Variants in AIF1L observed in about 807,000 individuals in gnomAD.
AIF1L encodes allograft inflammatory factor 1-like.
In AIF1L, 12 loss-of-function variants were observed where a neutral mutation model predicts 20.7. The observed-to-expected ratio is 0.58, with a 90% confidence interval of 0.37 to 0.94. The LOEUF is 0.94. Among genes scored for constraint, AIF1L ranks in the 40% least tolerant of loss-of-function variants. AIF1L has a pLI of 0.01. For synonymous variants in AIF1L, 76 were observed against 65.1 expected, an observed-to-expected ratio of 1.17 and a Z score of -0.81; for missense variants, 173 against 185.3, an observed-to-expected ratio of 0.93 and a Z score of 0.39.
At chr9:131,103,132 G>T in intron 2 of AIF1L, 1 of 380,992 alleles carries the variant, frequency 2.6e-6, no homozygotes, top group Admixed American at 3.1e-5. Context: ...CTCGCTGGAG[G>T]CTGGGATGGG....
At chr9:131,106,280 C>G (rs1327662699) in intron 2 of AIF1L, 3 of 1,490,756 alleles carry the variant, frequency 2.0e-6, no homozygotes, top group African/African-American at 1.4e-5. Flanking sequence ...GTTAGTTAAC[C>G]TGAGTCTCAA....
intron 5 of AIF1L, among the ~76,000 whole-genome samples, chr9:131,119,692 C>A (rs1006049502): frequency 6.6e-6 from 1 of 152,198 alleles, no homozygotes; most frequent in African/African-American, 2.4e-5. Flanking sequence ...TCTTCTAGCA[C>A]CCCACTTCCA....
At position 131,096,593 on chromosome 9, in the gene AIF1L, C is replaced by G; in HGVS notation, c.-37C>G. The G allele has an allele frequency of 1.3e-6, 2 of 1,484,518 alleles. No homozygotes were observed. Among genetic ancestry groups the G allele is most frequent in the Non-Finnish European group, 1.8e-6 (2 of 1,125,740 alleles). The allele number at this position is 1,484,518 out of a possible 1,614,324, so 92.0% of individuals were successfully genotyped here. A position where few individuals can be genotyped will look rare whatever the true frequency, so the allele number is the denominator to read the frequency against. ...CCTCCTCCTCGTCCCTCGCCGCGTC[C>G]GCGAAGCCTGGAGCCGGCGGGAGCC... On this transcript the variant is annotated 5_prime_UTR_variant, in exon 1 of 6. Coordinates refer to ENST00000247291, the MANE Select transcript of AIF1L (RefSeq NM_031426.4).
intron 2 of AIF1L, among the ~76,000 whole-genome samples, chr9:131,106,914 G>A (rs1830764920): frequency 6.6e-6 from 1 of 152,108 alleles, no homozygotes; most frequent in Non-Finnish European, 1.5e-5. Flanking sequence ...TGCTCCATAT[G>A]GTGAAACCGC....
chr9:131,121,393 C>T lies in AIF1L; in HGVS notation c.*1071C>T, dbSNP rs970230487. 2 of 368,762 alleles carry T rather than the reference C, an allele frequency of 5.4e-6. No homozygotes were observed. The highest frequency in any genetic ancestry group is 4.6e-5 in the Admixed American group (1 of 21,702). The allele number at this position is 368,762 out of a possible 1,614,324, so 22.8% of individuals were successfully genotyped here. A position where few individuals can be genotyped will look rare whatever the true frequency, so the allele number is the denominator to read the frequency against. On this transcript the variant is annotated 3_prime_UTR_variant, in exon 6 of 6. Coordinates refer to ENST00000247291, the MANE Select transcript of AIF1L (RefSeq NM_031426.4). ...TATACACGGTCTAACTCATCTCTCCCCAGATCTCTCAGAACCTTGAGCTTG... is the reference window on the plus strand; with the variant it reads ...TATACACGGTCTAACTCATCTCTCCTCAGATCTCTCAGAACCTTGAGCTTG...
chr9:131,113,975 A>G (rs2133397977), intron 3 of AIF1L: 2 of 156,506 alleles, frequency 1.3e-5, no homozygotes. Flanking sequence ...TCACTGCTAG[A>G]AGTTTTCCTG....
intron 2 of AIF1L, among the ~76,000 whole-genome samples, chr9:131,101,839 G>A (rs1357655087): frequency 6.6e-6 from 1 of 152,110 alleles, no homozygotes; most frequent in South Asian, 2.1e-4. Context: ...TGTCCCAATG[G>A]TCCAGCCCTC....
chr9:131,111,806 G>C lies in AIF1L; in HGVS notation c.160+143G>C, dbSNP rs1387685927. The C allele has an allele frequency of 3.9e-5, 33 of 845,684 alleles. No homozygotes were observed. The East Asian group carries it at 8.1e-4, about 21-fold the overall frequency. The allele number at this position is 845,684 out of a possible 1,614,324, so 52.4% of individuals were successfully genotyped here. ...ATGCCCTTCTTCCTGGAGAAGGCTT[G>C]GAGACAGGGACCCCCTGAGAGGTGG... On this transcript the variant is annotated intron_variant, in intron 3 of 5. Transcript: ENST00000247291.
chr9:131,105,965 C>T (rs544159331), intron 2 of AIF1L, among the ~76,000 whole-genome samples: 133 of 152,082 alleles, frequency 8.7e-4, no homozygotes, highest in African/African-American at 2.9e-3. Flanking sequence ...ACTACAGGCA[C>T]GCACCACCAC....
chr9:131,108,426 C>T (rs1258207723), intron 2 of AIF1L, among the ~76,000 whole-genome samples: 1 of 152,104 alleles, frequency 6.6e-6, no homozygotes, highest in East Asian at 1.9e-4. Context: ...TCTTGAGCTC[C>T]TGACCTCAAG....
chr9:131,111,955 CGCCGCT>C, intron 3 of AIF1L: 1 of 449,982 alleles, frequency 2.2e-6, no homozygotes, highest in Non-Finnish European at 4.1e-6. Context: ...GGTTCCCGTC[CGCCGCT>C]GCCCAGGCCC....
In AIF1L at chr9:131,120,544, T is replaced by A; in HGVS notation, c.*222T>A. 8.3e-6 allele frequency: 4 copies of A among 484,074 alleles called. No homozygotes were observed. The South Asian group carries it at 1.0e-4, about 12-fold the overall frequency. The allele number at this position is 484,074 out of a possible 1,614,324, so 30.0% of individuals were successfully genotyped here. On this transcript the variant is annotated 3_prime_UTR_variant, in exon 6 of 6. Transcript: ENST00000247291. ...GTCCCCTCCCTCTCTTCTTCCCTCC[T>A]TCCCCGCTCCCTGTGCAGAAGGGCT... is the stretch of plus-strand genomic sequence containing the variant.
At chr9:131,096,912 G>C in intron 2 of AIF1L, 49 bp downstream of exon 2, 2 of 1,488,950 alleles carry the variant, frequency 1.3e-6, no homozygotes, top group Non-Finnish European at 1.8e-6. Context: ...CGCGCGCTGC[G>C]CGGGTGCCAC....
chr9:131,101,035 C>T (rs1398397550), intron 2 of AIF1L, among the ~76,000 whole-genome samples: 1 of 152,106 alleles, frequency 6.6e-6, no homozygotes, highest in East Asian at 1.9e-4. Flanking sequence ...GTAGCTGGAA[C>T]TATAGGCGCG....
chr9:131,106,753 A>G (rs1168215821), intron 2 of AIF1L, among the ~76,000 whole-genome samples: 2 of 151,038 alleles, frequency 1.3e-5, no homozygotes, highest in Non-Finnish European at 2.9e-5. Flanking sequence ...CCAACAAAGA[A>G]TAAATAGGGT....
rs1331622354 is a variant in AIF1L at position 131,104,914 on chromosome 9, T to C, written c.94-6683T>C. Reference sequence around the variant, plus strand: ...CTCTGTCTCAAAAAAAAAAAAAAAATTCATGCAGCCATGAAGTGGATTCAA... The same window carrying C: ...CTCTGTCTCAAAAAAAAAAAAAAAACTCATGCAGCCATGAAGTGGATTCAA... On this transcript the variant is annotated intron_variant, in intron 2 of 5. Coordinates refer to ENST00000247291, the MANE Select transcript of AIF1L (RefSeq NM_031426.4). Among the ~76,000 whole-genome samples the C allele has an allele frequency of 5.5e-5, 8 of 145,976 alleles. No individual in the cohort carries two copies. In the South Asian group the frequency reaches 1.7e-3, roughly 32 times the overall value.
In AIF1L at chr9:131,111,966, A is replaced by G. The variant is rs913826822; in HGVS notation, c.160+303A>G. 1.6e-5 allele frequency: 7 copies of G among 426,624 alleles called. No homozygotes were observed. In the Admixed American group the frequency reaches 2.7e-4, roughly 16 times the overall value. 26.4% of individuals were successfully genotyped at this position (426,624 alleles called of 1,614,324 possible). On this transcript the variant is annotated intron_variant, in intron 3 of 5. Coordinates refer to ENST00000247291, the MANE Select transcript of AIF1L (RefSeq NM_031426.4). ...GGCTGGTTCCCGTCCGCCGCTGCCC[A>G]GGCCCCGTCACTCCCGGGCCCCGCA... is the stretch of plus-strand genomic sequence containing the variant.
chr9:131,107,295 T>G (rs1269795933), intron 2 of AIF1L, among the ~76,000 whole-genome samples: 1 of 152,174 alleles, frequency 6.6e-6, no homozygotes, highest in Non-Finnish European at 1.5e-5. Context: ...GCCTGGTTGG[T>G]CTGTGTCTGT....
rs1474029101 is a variant in AIF1L at position 131,111,988 on chromosome 9, C to T, written c.160+325C>T. 11 of 354,410 alleles carry T rather than the reference C, an allele frequency of 3.1e-5. No homozygotes were observed. The Admixed American group carries it at 3.8e-4, about 12-fold the overall frequency. The allele number at this position is 354,410 out of a possible 1,614,324, so 22.0% of individuals were successfully genotyped here. The stretch of plus-strand genomic sequence containing the variant: ...CCCAGGCCCCGTCACTCCCGGGCCC[C>T]GCACACAATCAGCTCTTTGTGAGCA... On this transcript the variant is annotated intron_variant, in intron 3 of 5. Coordinates refer to ENST00000247291, the MANE Select transcript of AIF1L (RefSeq NM_031426.4).
Sources: allele counts gnomAD v4.1 joint callset (sites outside exome capture counted in the v4.1 genomes callset), GRCh38; gene constraint gnomAD v4.1.1; transcripts MANE v1.5; gene names NCBI Gene and HGNC (gene_info 2026-07-23, HGNC 2026-07-21).